KHDC1: variants seen among roughly 807,000 people sequenced by gnomAD.
KHDC1 encodes KH homology domain-containing protein 1.
A neutral mutation model predicts 24.7 loss-of-function variants in KHDC1; 21 were observed. That is an observed-to-expected ratio of 0.85 (90% CI 0.60 to 1.23). KHDC1 has a LOEUF of 1.23. Ranked by LOEUF, KHDC1 falls within the 50% of genes most tolerant of loss-of-function variation. The pLI, the probability that KHDC1 is intolerant of heterozygous loss-of-function variation, is 0.00. For missense variants in KHDC1, 274 were observed against 298.5 expected, an observed-to-expected ratio of 0.92 and a Z score of 0.61; for synonymous variants, 98 against 111.7, an observed-to-expected ratio of 0.88 and a Z score of 0.77.
At chr6:73,253,506 T>C (rs1208485451) in intron 2 of KHDC1, among the ~76,000 whole-genome samples, 1 of 151,120 alleles carries the variant, frequency 6.6e-6, no homozygotes, top group Admixed American at 6.6e-5. Flanking sequence ...TGAGCCAAGA[T>C]AGCACCACTG....
At chr6:73,282,150 G>A (rs1237866643) in intron 2 of KHDC1, among the ~76,000 whole-genome samples, 7 of 145,828 alleles carry the variant, frequency 4.8e-5, no homozygotes, top group African/African-American at 1.0e-4. Context: ...CTCGGAAGGC[G>A]AAGGTTGTAG....
At chr6:73,268,950 G>A (rs958973182) in intron 2 of KHDC1, 1 of 155,148 alleles carries the variant, frequency 6.4e-6, no homozygotes, top group Non-Finnish European at 1.4e-5. Context: ...AGCTCAGGCA[G>A]CACAGGAGCC....
chr6:73,254,472 AAAT>A, intron 2 of KHDC1, among the ~76,000 whole-genome samples: 1 of 5,980 alleles, frequency 1.7e-4, no homozygotes, highest in African/African-American at 8.3e-4. Context: ...AAATAAAAAT[AAAT>A]AAATAAATAA....
chr6:73,305,201 G>A (rs1444562508), intron 1 of KHDC1, among the ~76,000 whole-genome samples: 1 of 151,902 alleles, frequency 6.6e-6, no homozygotes, highest in Non-Finnish European at 1.5e-5. Flanking sequence ...TTGCGCTACT[G>A]CACTCCAGCC....
chr6:73,269,716 AATTTTTATT>A (rs1022488694), intron 2 of KHDC1: 6 of 152,008 alleles, frequency 3.9e-5, no homozygotes, highest in African/African-American at 1.2e-4. Context: ...AGTTCAAATG[AATTTTTATT>A]ATTTTTATTA....
chr6:73,309,778 C>A lies in KHDC1; in HGVS notation c.-64G>T, dbSNP rs569698772. ...GCACGAGTAGTACAGCTCCTCCCGCCACCGCAGAGCCCGCCGGCGGGAAGA... is the reference window on the plus strand; with the variant it reads ...GCACGAGTAGTACAGCTCCTCCCGCAACCGCAGAGCCCGCCGGCGGGAAGA... On this transcript the variant is annotated 5_prime_UTR_variant, in exon 1 of 5. Coordinates refer to ENST00000370384, the Ensembl canonical transcript of KHDC1. 51 of 1,512,506 alleles carry A rather than the reference C, an allele frequency of 3.4e-5. No homozygotes were observed. The South Asian group carries it at 6.2e-4, about 18-fold the overall frequency. 93.7% of individuals were successfully genotyped at this position (1,512,506 alleles called of 1,614,324 possible). A position where few individuals can be genotyped will look rare whatever the true frequency, so the allele number is the denominator to read the frequency against.
At chr6:73,303,754 T>G (rs920097346) in intron 1 of KHDC1, among the ~76,000 whole-genome samples, 1 of 152,152 alleles carries the variant, frequency 6.6e-6, no homozygotes, top group Non-Finnish European at 1.5e-5. Context: ...ACTAAGAAAC[T>G]GTGAAAGATG....
chr6:73,246,136 T>C (rs1246755427), intron 2 of KHDC1, among the ~76,000 whole-genome samples: 1 of 152,246 alleles, frequency 6.6e-6, no homozygotes, highest in African/African-American at 2.4e-5. Flanking sequence ...CAAAGTTCTC[T>C]GATATGGAGC....
intron 3 of KHDC1, 42 bp from the exon 3 acceptor site, chr6:73,242,279 G>A (rs1410891275): frequency 6.2e-7 from 1 of 1,605,012 alleles, no homozygotes; most frequent in Non-Finnish European, 8.5e-7. Flanking sequence ...TCAAGCACCA[G>A]CCCTTAGGGA....
intron 2 of KHDC1, among the ~76,000 whole-genome samples, chr6:73,261,374 C>T (rs917403552): frequency 2.0e-5 from 3 of 151,778 alleles, no homozygotes; most frequent in Non-Finnish European, 4.4e-5. Flanking sequence ...ACCCAGAAGG[C>T]GGGGATTGCA....
intron 1 of KHDC1, among the ~76,000 whole-genome samples, chr6:73,308,438 T>C (rs1017458509): frequency 7.9e-5 from 12 of 151,908 alleles, no homozygotes; most frequent in Non-Finnish European, 1.5e-4. Context: ...CTTGAGCTCC[T>C]GACCTCGGGT....
At chr6:73,288,774 A>G (rs1041323587) in intron 2 of KHDC1, among the ~76,000 whole-genome samples, 16 of 147,060 alleles carry the variant, frequency 1.1e-4, no homozygotes, top group African/African-American at 4.0e-4. Flanking sequence ...CACCAGCCTG[A>G]ACAACATAGT....
intron 1 of KHDC1, among the ~76,000 whole-genome samples, chr6:73,308,747 G>A (rs548778534): frequency 6.6e-6 from 1 of 151,934 alleles, no homozygotes; most frequent in African/African-American, 2.4e-5. Flanking sequence ...CTCCCACCTC[G>A]GCCTCCCAAA....
chr6:73,290,643 CAGGAATACT>C, intron 2 of KHDC1: 1 of 498,812 alleles, frequency 2.0e-6, no homozygotes, highest in South Asian at 1.5e-5. Flanking sequence ...TCATATCCTG[CAGGAATACT>C]AGCTAGTGGG....
intron 4 of KHDC1, 47 bp from the exon 4 acceptor site, chr6:73,241,775 G>A (rs749431536): frequency 9.4e-6 from 15 of 1,599,324 alleles, no homozygotes; most frequent in Non-Finnish European, 1.3e-5. Flanking sequence ...CCATAACTGG[G>A]GCCCATTGGC....
chr6:73,298,010 G>A (rs1182740123), intron 1 of KHDC1, among the ~76,000 whole-genome samples: 1 of 152,118 alleles, frequency 6.6e-6, no homozygotes, highest in Non-Finnish European at 1.5e-5. Context: ...CGCCAACATG[G>A]TGAAATCCTG....
In KHDC1 at chr6:73,250,883, A is replaced by C. The variant is rs558263661; in HGVS notation, c.207-8353T>G. On this transcript the variant is annotated intron_variant, in intron 2 of 4. Coordinates refer to ENST00000370384, the Ensembl canonical transcript of KHDC1. ...GAAATCGAGTCTCGCTCTGTTGCCC[A>C]GGCTGCAGTGCAGTGGTGCAATCTT... 2.6e-5 allele frequency among the ~76,000 whole-genome samples: 4 copies of C among 152,346 alleles called. No individual in the cohort carries two copies. In the East Asian group the frequency reaches 7.7e-4, roughly 29 times the overall value.
chr6:73,268,277 G>A (rs909808184), intron 2 of KHDC1: 1 of 153,402 alleles, frequency 6.5e-6, no homozygotes, highest in Admixed American at 6.5e-5. Context: ...GGCGCATCTG[G>A]AGTTTTTCGT....
At chr6:73,309,790 C>A (rs1231703810) in exon 1 of KHDC1, 2 of 1,499,206 alleles carry the variant, frequency 1.3e-6, no homozygotes, top group African/African-American at 1.4e-5. Flanking sequence ...CCGCAGAGCC[C>A]GCCGGCGGGA....
Sources: allele counts gnomAD v4.1 joint callset (sites outside exome capture counted in the v4.1 genomes callset), GRCh38; gene constraint gnomAD v4.1.1; transcripts MANE v1.5; gene names NCBI Gene and HGNC (gene_info 2026-07-23, HGNC 2026-07-21).